GTF2B: variants seen among roughly 807,000 people sequenced by gnomAD.
GTF2B encodes the protein general transcription factor IIB, also known as transcription initiation factor IIB.
A neutral mutation model predicts 34.6 loss-of-function variants in GTF2B; 20 were observed. The observed-to-expected ratio is 0.58, with a 90% CI of 0.41 to 0.84. The LOEUF is 0.84. GTF2B is among the 40% of genes least tolerant of loss of function. GTF2B has a pLI of 0.00. For synonymous variants in GTF2B, 142 were observed against 132.4 expected (o/e 1.07, Z -0.50); for missense variants, 237 against 393.3 (o/e 0.60, Z 3.36).
intron 2 of GTF2B, among the ~76,000 whole-genome samples, chr1:88,880,291 C>T (rs2100977344): frequency 6.6e-6 from 1 of 152,240 alleles, no homozygotes; most frequent in African/African-American, 2.4e-5. Context: ...AAAAAAGTCA[C>T]AAATGTTGTC....
intron 2 of GTF2B, among the ~76,000 whole-genome samples, chr1:88,866,549 T>C (rs1232738124): frequency 3.9e-5 from 6 of 152,088 alleles, no homozygotes; most frequent in African/African-American, 1.4e-4. Context: ...GCTACAGATA[T>C]GCACCACCAC....
intron 1 of GTF2B, among the ~76,000 whole-genome samples, chr1:88,889,055 G>A (rs1674136290): frequency 6.6e-6 from 1 of 152,174 alleles, no homozygotes; most frequent in African/African-American, 2.4e-5. Context: ...GGTAGTGAAT[G>A]GAGTTTAAAT....
At chr1:88,877,248 A>G (rs1347807463) in intron 2 of GTF2B, among the ~76,000 whole-genome samples, 2 of 152,110 alleles carry the variant, frequency 1.3e-5, no homozygotes, top group Non-Finnish European at 2.9e-5. Flanking sequence ...GGTCAAATGG[A>G]CTCATTTCTC....
intron 5 of GTF2B, among the ~76,000 whole-genome samples, chr1:88,858,352 C>G (rs1673365054): frequency 6.6e-6 from 1 of 152,142 alleles, no homozygotes; most frequent in African/African-American, 2.4e-5. Flanking sequence ...TTAATTCATA[C>G]AACTAAATTT....
At chr1:88,873,182 GTTTT>G (rs869087763) in intron 2 of GTF2B, among the ~76,000 whole-genome samples, 117 of 100,438 alleles carry the variant, frequency 1.2e-3, no homozygotes, top group Non-Finnish European at 1.7e-3. Context: ...ATTCCATTAA[GTTTT>G]TTTTTTTTTT....
chr1:88,889,018 AACTTC>A (rs1674135173), intron 1 of GTF2B, among the ~76,000 whole-genome samples: 1 of 152,178 alleles, frequency 6.6e-6, no homozygotes, highest in African/African-American at 2.4e-5. Context: ...AAAATGTGCT[AACTTC>A]ATTAAAAAAA....
At chr1:88,887,135 TC>T in intron 2 of GTF2B, 125 bp downstream of exon 2, 1 of 592,190 alleles carries the variant, frequency 1.7e-6, no homozygotes, top group Non-Finnish European at 3.1e-6. Context: ...GTCAGGCTGG[TC>T]TCGAACTCCT....
chr1:88,862,645 C>A (rs553539833), intron 3 of GTF2B, among the ~76,000 whole-genome samples: 3 of 152,144 alleles, frequency 2.0e-5, no homozygotes, highest in African/African-American at 7.2e-5. Flanking sequence ...ACCAGGAGTT[C>A]AAGACCTGCC....
intron 3 of GTF2B, 99 bp downstream of exon 3, chr1:88,863,882 T>TCC (rs1414949281): frequency 3.1e-6 from 3 of 983,290 alleles, no homozygotes; most frequent in Non-Finnish European, 4.8e-6. Flanking sequence ...AGGTCAAGAT[T>TCC]CCCCACTGGT....
intron 3 of GTF2B, among the ~76,000 whole-genome samples, chr1:88,862,480 T>G (rs1007650199): frequency 1.3e-5 from 2 of 152,136 alleles, no homozygotes; most frequent in Non-Finnish European, 2.9e-5. Context: ...AGGTGGAGGT[T>G]GCAGTGAGAC....
rs927910359 is a variant in GTF2B, at chr1:88,886,910, C to CATT, written c.124+348_124+350dup. 2.7e-5 allele frequency among the ~76,000 whole-genome samples: 4 copies of CATT among 150,872 alleles called. No individual in the cohort carries two copies. In the South Asian group the frequency reaches 6.2e-4, roughly 24 times the overall value. ...CTATGCAAAAGTGAAGGACCCTAAA[C>CATT]ATTATTATTATTATTATTTTTTTTT... On this transcript the variant is annotated intron_variant, in intron 2 of 6. Coordinates refer to ENST00000370500, the MANE Select transcript of GTF2B (RefSeq NM_001514.6).
chr1:88,888,943 T>C lies in GTF2B; in HGVS notation c.18-1576A>G, dbSNP rs1674132780. Among the ~76,000 whole-genome samples the C allele has an allele frequency of 3.3e-5, 5 of 152,356 alleles. No homozygotes were observed. In the South Asian group the frequency reaches 1.0e-3, roughly 32 times the overall value. On this transcript the variant is annotated intron_variant, in intron 1 of 6. Coordinates refer to ENST00000370500, the MANE Select transcript of GTF2B (RefSeq NM_001514.6). Reference sequence around the variant, plus strand: ...TGTCTTAGCTAGTGCTAGTGGTATCTGATTTCCTTACCTGGGTAGGAGCTA... The same window carrying C: ...TGTCTTAGCTAGTGCTAGTGGTATCCGATTTCCTTACCTGGGTAGGAGCTA...
chr1:88,886,988 G>A (rs1000646366), intron 2 of GTF2B, among the ~76,000 whole-genome samples: 9 of 151,622 alleles, frequency 5.9e-5, no homozygotes, highest in African/African-American at 9.7e-5. Flanking sequence ...GCACGATCTC[G>A]GCTCACTGCA....
chr1:88,857,518 C>G, intron 5 of GTF2B, 31 bp from the exon 6 acceptor site: 1 of 1,167,520 alleles, frequency 8.6e-7, no homozygotes, highest in South Asian at 1.3e-5. Flanking sequence ...TAAATCAATT[C>G]ACTTAAGCCA....
intron 5 of GTF2B, chr1:88,858,715 A>T (rs149036823): frequency 1.3e-5 from 2 of 152,364 alleles, no homozygotes; most frequent in East Asian, 1.9e-4. Flanking sequence ...GTCTTCAGCT[A>T]AACTGAGCTT....
Position 88,866,415 on chromosome 1 carries a change from T to A in GTF2B, c.125-2301A>T, listed in dbSNP as rs568006221. On this transcript the variant is annotated intron_variant, in intron 2 of 6. Transcript: ENST00000370500. ...CTCTGACAAAATTTTTCTTTTTTCTTTTCCTTTTTTTCAGACAGGGTCTCA... is the reference window on the plus strand; with the variant it reads ...CTCTGACAAAATTTTTCTTTTTTCTATTCCTTTTTTTCAGACAGGGTCTCA... Among the ~76,000 whole-genome samples, 4 of 152,246 alleles carry A rather than the reference T, an allele frequency of 2.6e-5. No homozygotes were observed. In the South Asian group the frequency reaches 8.3e-4, roughly 32 times the overall value.
intron 5 of GTF2B, among the ~76,000 whole-genome samples, chr1:88,859,080 C>G (rs1428879412): frequency 6.6e-6 from 1 of 152,084 alleles, no homozygotes; most frequent in Non-Finnish European, 1.5e-5. Flanking sequence ...ATTGGCCAGG[C>G]TGGTCTTGAA....
At chr1:88,870,953 G>T (rs1673679526) in intron 2 of GTF2B, among the ~76,000 whole-genome samples, 1 of 145,894 alleles carries the variant, frequency 6.9e-6, no homozygotes, top group Non-Finnish European at 1.5e-5. Flanking sequence ...CCAGGCTGGA[G>T]CGCAATGGTG....
At chr1:88,886,521 A>AAT (rs1226685679) in intron 2 of GTF2B, among the ~76,000 whole-genome samples, 1 of 152,208 alleles carries the variant, frequency 6.6e-6, no homozygotes, top group African/African-American at 2.4e-5. Flanking sequence ...AGTTATAATA[A>AAT]ATCTTCTTTT....
Sources: gnomAD v4.1 joint callset for allele counts (sites outside exome capture counted in the v4.1 genomes callset) on GRCh38, gnomAD v4.1.1 for gene constraint, MANE v1.5 for transcripts, NCBI Gene and HGNC (gene_info 2026-07-23, HGNC 2026-07-21) for gene names.